FUT8: variants seen among roughly 807,000 people sequenced by gnomAD.
FUT8 encodes the protein alpha-(1,6)-fucosyltransferase.
A neutral mutation model predicts 71.3 loss-of-function variants in FUT8; 29 were observed. The observed-to-expected ratio is 0.41, with a 90% CI of 0.30 to 0.55. FUT8 has a LOEUF of 0.55. Ranked by LOEUF, FUT8 falls within the 20% of genes least tolerant of loss-of-function variation. The pLI, the probability that FUT8 is intolerant of heterozygous loss-of-function variation, is 0.34. For synonymous variants in FUT8, 254 were observed against 239.3 expected (o/e 1.06, Z -0.57); for missense variants, 544 against 702.1 (o/e 0.77, Z 2.55).
chr14:65,560,899 G>C (rs1885881138), intron 2 of FUT8, among the ~76,000 whole-genome samples: 1 of 152,208 alleles, frequency 6.6e-6, no homozygotes, highest in African/African-American at 2.4e-5. Flanking sequence ...AGGGAGGAGA[G>C]TGGAGTTGAG....
chr14:65,442,518 AATAC>A (rs142250322), intron 1 of FUT8, among the ~76,000 whole-genome samples: 191 of 148,880 alleles, frequency 1.3e-3, no homozygotes, highest in African/African-American at 4.2e-3. Context: ...GACCATCATA[AATAC>A]ATACATACAT....
chr14:65,358,361 A>G, the FUT8 span, among the ~76,000 whole-genome samples: 4 of 152,210 alleles, frequency 2.6e-5, no homozygotes, highest in Non-Finnish European at 5.9e-5. Flanking sequence ...TTATTAAACC[A>G]TAGATACTCA....
At chr14:65,441,139 A>G (rs2065648510) in intron 1 of FUT8, among the ~76,000 whole-genome samples, 1 of 152,026 alleles carries the variant, frequency 6.6e-6, no homozygotes, top group East Asian at 1.9e-4. Context: ...AAGTGGAAAG[A>G]TACATATGTT....
At chr14:65,653,418 A>G (rs1362767758) in intron 6 of FUT8, among the ~76,000 whole-genome samples, 1 of 152,174 alleles carries the variant, frequency 6.6e-6, no homozygotes, top group Non-Finnish European at 1.5e-5. Context: ...CTTTATAAAG[A>G]TATGTTTAAT....
chr14:65,584,800 C>T (rs1313504254), intron 3 of FUT8, among the ~76,000 whole-genome samples: 3 of 152,190 alleles, frequency 2.0e-5, no homozygotes, highest in African/African-American at 7.2e-5. Flanking sequence ...TCTTTCAGTA[C>T]TTAACTCCTT....
chr14:65,449,431 T>G (rs569833827), intron 1 of FUT8, among the ~76,000 whole-genome samples: 1 of 152,194 alleles, frequency 6.6e-6, no homozygotes, highest in African/African-American at 2.4e-5. Flanking sequence ...ACTATTTTTC[T>G]TTTTGCCAAA....
At chr14:65,446,295 A>G (rs1313999069) in intron 1 of FUT8, among the ~76,000 whole-genome samples, 1 of 152,100 alleles carries the variant, frequency 6.6e-6, no homozygotes, top group Non-Finnish European at 1.5e-5. Context: ...TGTTCTCTGT[A>G]TGCCCTGTAG....
At chr14:65,741,804 TTAAC>T (rs1896517283) in intron 10 of FUT8, among the ~76,000 whole-genome samples, 1 of 152,170 alleles carries the variant, frequency 6.6e-6, no homozygotes, top group African/African-American at 2.4e-5. Context: ...TTTGTTAAAA[TTAAC>T]TAATTCATAT....
chr14:65,611,195 ACACGCG>A lies in FUT8; in HGVS notation c.204-4781_204-4776del, dbSNP rs1399530450. ...CATTTTAAGTGTCATACACACACAC[ACACGCG>A]CGCGCGCGCGCGCGCGCGCGCGCAC... On this transcript the variant is annotated intron_variant, in intron 3 of 10. Transcript: ENST00000673929. 3.4e-3 allele frequency among the ~76,000 whole-genome samples: 48 copies of A among 14,308 alleles called. 5 individuals are homozygous for A. The highest frequency in any genetic ancestry group is 0.083 in the Middle Eastern group (2 of 24). The allele number at this position is 14,308 out of a possible 152,430, so 9.4% of individuals were successfully genotyped here. A position where few individuals can be genotyped will look rare whatever the true frequency, so the allele number is the denominator to read the frequency against.
At chr14:65,385,194 C>T in the FUT8 span, among the ~76,000 whole-genome samples, 8 of 151,982 alleles carry the variant, frequency 5.3e-5, no homozygotes, top group African/African-American at 1.2e-4. Context: ...CCACCGCGCC[C>T]GGCCTTAGGT....
At chr14:65,548,697 G>T (rs754045395) in intron 2 of FUT8, among the ~76,000 whole-genome samples, 1 of 151,844 alleles carries the variant, frequency 6.6e-6, no homozygotes, top group Non-Finnish European at 1.5e-5. Flanking sequence ...CAAAACCACA[G>T]TCTATAAAAG....
At chr14:65,519,480 A>T (rs977595271) in intron 2 of FUT8, among the ~76,000 whole-genome samples, 1 of 152,350 alleles carries the variant, frequency 6.6e-6, no homozygotes, top group Non-Finnish European at 1.5e-5. Flanking sequence ...GAATGATTCT[A>T]ACAGGAGGTA....
At position 65,561,720 on chromosome 14, in the gene FUT8, T is replaced by A; in HGVS notation, c.157T>A (p.Leu53Ile). The A allele has an allele frequency of 6.2e-7, 1 of 1,613,598 alleles. No individual in the cohort carries two copies. The highest frequency in any genetic ancestry group is 8.5e-7 in the Non-Finnish European group (1 of 1,179,652). The change falls in exon 3 of 11, where the codon TTA (leucine) becomes ATA (isoleucine). Residue 53 changes from leucine (L) to isoleucine (I), a missense_variant. By Grantham distance (5) the Leu-to-Ile change is conservative (BLOSUM62 2). Coordinates refer to ENST00000673929, the MANE Select transcript of FUT8 (RefSeq NM_001371533.1). ...LSKILAKLER[L>I]KQQNEDLRRM... ...CAAGATTCTGGCAAAGCTTGAACGC[T>A]TAAAACAACAGAATGAAGACTTGAG...
chr14:65,561,613 C>T lies in FUT8; in HGVS notation c.50C>T (p.Ala17Val). Residue 17 changes from alanine to valine, a missense_variant, in exon 3 of 11, where the codon GCC (alanine) becomes GTC (valine). Transcript: ENST00000673929. ...CGTTGGATTATGCTCATTCTTTTTG[C>T]CTGGGGGACCTTGCTGTTTTATATA... ...SWRWIMLILF[A>V]WGTLLFYIGG... The T allele has an allele frequency of 6.2e-7, 1 of 1,613,478 alleles. No individual in the cohort carries two copies. Among genetic ancestry groups the T allele is most frequent in the Non-Finnish European group, 8.5e-7 (1 of 1,179,570 alleles).
At chr14:65,557,582 C>T (rs1427388596) in intron 2 of FUT8, among the ~76,000 whole-genome samples, 1 of 151,674 alleles carries the variant, frequency 6.6e-6, no homozygotes, top group Non-Finnish European at 1.5e-5. Flanking sequence ...CCACCCGCCT[C>T]AGCCTCCCAA....
the FUT8 span, among the ~76,000 whole-genome samples, chr14:65,397,229 A>G: frequency 6.6e-6 from 1 of 152,150 alleles, no homozygotes; most frequent in African/African-American, 2.4e-5. This position sits in a 1 kb window ranked among gnomAD's most constrained non-coding sequence, Gnocchi z 4.2. Context: ...CCCACATTTT[A>G]TTGGCTAGAG....
intron 6 of FUT8, 57 bp downstream of exon 6, chr14:65,629,663 A>T: frequency 8.6e-7 from 1 of 1,168,348 alleles, no homozygotes; most frequent in East Asian, 2.3e-5. Flanking sequence ...TCATAATATA[A>T]CTAAGAGTAA....
intron 10 of FUT8, among the ~76,000 whole-genome samples, chr14:65,735,313 T>C (rs1896170278): frequency 1.3e-5 from 2 of 152,156 alleles, no homozygotes; most frequent in African/African-American, 2.4e-5. Context: ...CACTTCATGA[T>C]GGTAGAATTC....
rs189393801 is a variant in FUT8, at chr14:65,739,422, A to G, written c.1411-2671A>G. 6.0e-4 allele frequency among the ~76,000 whole-genome samples: 92 copies of G among 152,226 alleles called. 1 individual carries two copies. The highest frequency in any genetic ancestry group is 1.6e-3 in the African/African-American group (67 of 41,550). On this transcript the variant is annotated intron_variant, in intron 10 of 10. Coordinates refer to ENST00000673929, the MANE Select transcript of FUT8 (RefSeq NM_001371533.1). ...TGTTATCCACCAAGGTTAACACATG[A>G]ACAACTCTTGATAGCAAAACATACA...
Sources: gnomAD v4.1 joint callset for allele counts (sites outside exome capture counted in the v4.1 genomes callset) on GRCh38, gnomAD v4.1.1 for gene constraint, Gnocchi (gnomAD v3.1) non-coding constraint, MANE v1.5 for transcripts, NCBI Gene and HGNC (gene_info 2026-07-23, HGNC 2026-07-21) for gene names.